LDB2: variants seen among roughly 807,000 people sequenced by gnomAD.
The protein encoded by LDB2 is LIM domain-binding protein 2.
A neutral mutation model predicts 44.3 loss-of-function variants in LDB2; 12 were observed. The ratio of observed to expected loss-of-function variants is 0.27; its 90% CI spans 0.17 to 0.44. The LOEUF is 0.44. Among genes scored for constraint, LDB2 ranks in the 20% least tolerant of loss-of-function variants. The pLI is 1.00. For missense variants in LDB2, 344 were observed against 473.5 expected (o/e 0.73, Z 2.54); for synonymous variants, 164 against 174.8 (o/e 0.94, Z 0.49).
chr4:16,712,462 G>A (rs1276010954), intron 2 of LDB2, among the ~76,000 whole-genome samples: 2 of 152,108 alleles, frequency 1.3e-5, no homozygotes, highest in East Asian at 1.9e-4. Context: ...TGAGGCAGGA[G>A]AATAGCTTGA....
chr4:16,555,381 A>G (rs1739201677), intron 5 of LDB2, among the ~76,000 whole-genome samples: 1 of 152,156 alleles, frequency 6.6e-6, no homozygotes, highest in Non-Finnish European at 1.5e-5. Context: ...GAATGCCTCA[A>G]CCTGAATTTT....
At chr4:16,853,876 C>T (rs1788791175) in intron 1 of LDB2, among the ~76,000 whole-genome samples, 1 of 152,006 alleles carries the variant, frequency 6.6e-6, no homozygotes, top group African/African-American at 2.4e-5. Flanking sequence ...AAGCCAGATA[C>T]AGAAATAAAG....
intron 5 of LDB2, among the ~76,000 whole-genome samples, chr4:16,570,499 A>C (rs1315016488): frequency 5.6e-5 from 8 of 144,108 alleles, no homozygotes; most frequent in Admixed American, 2.8e-4. Flanking sequence ...AAAAAAAAAA[A>C]AAAAAGTTTA....
In LDB2 at chr4:16,756,558, T is replaced by C. The variant is rs115156538; in HGVS notation, c.235+2600A>G. Reference sequence around the variant, plus strand: ...GTTCAAAAAAATCCAAAGATCTCAGTAAAGGATAGCTTTGCCAACATTTTA... The same window carrying C: ...GTTCAAAAAAATCCAAAGATCTCAGCAAAGGATAGCTTTGCCAACATTTTA... On this transcript the variant is annotated intron_variant, in intron 2 of 7. Coordinates refer to ENST00000304523, the MANE Select transcript of LDB2 (RefSeq NM_001290.5). Among the ~76,000 whole-genome samples the C allele has an allele frequency of 3.9e-3, 601 of 152,344 alleles. 4 individuals are homozygous for C. Among genetic ancestry groups the C allele is most frequent in the Admixed American group, 6.1e-3 (94 of 15,298 alleles).
chr4:16,749,582 A>T (rs1220331900), intron 2 of LDB2, among the ~76,000 whole-genome samples: 60 of 96,622 alleles, frequency 6.2e-4, no homozygotes, highest in African/African-American at 4.4e-5. Context: ...ATAAAAAAAT[A>T]AAAAAAAATA....
chr4:16,539,404 C>G (rs1560407771), intron 5 of LDB2, among the ~76,000 whole-genome samples: 1 of 152,138 alleles, frequency 6.6e-6, no homozygotes, highest in Non-Finnish European at 1.5e-5. Flanking sequence ...AGACATGGAA[C>G]TAGAAGGATA....
rs571264530 is a variant in LDB2 at position 16,623,628 on chromosome 4, A to G, written c.236-27753T>C. On this transcript the variant is annotated intron_variant, in intron 2 of 7. Coordinates refer to ENST00000304523, the MANE Select transcript of LDB2 (RefSeq NM_001290.5). ...AAATAAATAAATAAATAAAAATAAA[A>G]TAAATGACTATCAATGTGCTGTCAA... Among the ~76,000 whole-genome samples the G allele has an allele frequency of 1.6e-4, 20 of 128,606 alleles. No individual in the cohort carries two copies. In the South Asian group the frequency reaches 4.1e-3, roughly 27 times the overall value. 84.4% of individuals were successfully genotyped at this position (128,606 alleles called of 152,430 possible).
chr4:16,590,180 A>G (rs1718426974), intron 3 of LDB2, among the ~76,000 whole-genome samples: 1 of 152,080 alleles, frequency 6.6e-6, no homozygotes, highest in South Asian at 2.1e-4. Flanking sequence ...CTCGGCTTTG[A>G]GATCCTCATT....
At chr4:16,782,374 G>C (rs1579616148) in intron 1 of LDB2, among the ~76,000 whole-genome samples, 1 of 148,946 alleles carries the variant, frequency 6.7e-6, no homozygotes, top group Non-Finnish European at 1.5e-5. Flanking sequence ...TTTTTGAGAC[G>C]GAGTCTTGCT....
chr4:16,789,473 G>A (rs1242514480), intron 1 of LDB2, among the ~76,000 whole-genome samples: 5 of 152,190 alleles, frequency 3.3e-5, no homozygotes, highest in Admixed American at 6.5e-5. Context: ...AATGTAACGA[G>A]TAAAGTGAAC....
chr4:16,642,433 A>G (rs887709585), intron 2 of LDB2, among the ~76,000 whole-genome samples: 1 of 152,246 alleles, frequency 6.6e-6, no homozygotes, highest in African/African-American at 2.4e-5. Flanking sequence ...TTCATGATAC[A>G]GAAGTTGATA....
intron 1 of LDB2, among the ~76,000 whole-genome samples, chr4:16,762,750 C>A (rs145980520): frequency 4.6e-5 from 7 of 152,240 alleles, no homozygotes; most frequent in Admixed American, 1.3e-4. Flanking sequence ...GATAATCTAA[C>A]TCTTGGTCTC....
At chr4:16,858,035 T>C (rs1477734838) in intron 1 of LDB2, among the ~76,000 whole-genome samples, 3 of 152,156 alleles carry the variant, frequency 2.0e-5, no homozygotes, top group Non-Finnish European at 4.4e-5. Flanking sequence ...CCTCACAAGA[T>C]TGATATTAAT....
intron 2 of LDB2, among the ~76,000 whole-genome samples, chr4:16,633,756 A>G (rs1375516908): frequency 2.6e-4 from 40 of 152,212 alleles, no homozygotes; most frequent in Admixed American, 9.2e-4. Context: ...GAACTGGAAA[A>G]AACTATTTTA....
chr4:16,837,782 G>A (rs753469721), intron 1 of LDB2, among the ~76,000 whole-genome samples: 2 of 152,198 alleles, frequency 1.3e-5, no homozygotes, highest in African/African-American at 2.4e-5. Flanking sequence ...ATTTACTAAC[G>A]CACAGTACTA....
rs578137573 is a variant in LDB2, at chr4:16,605,841, G to A, written c.236-9966C>T. ...CTAAGGATGGAGGAGTCAGGAAATG[G>A]AGGAGCCTCTGGTTTCCTAAGTTAC... On this transcript the variant is annotated intron_variant, in intron 2 of 7. Coordinates refer to ENST00000304523, the MANE Select transcript of LDB2 (RefSeq NM_001290.5). Among the ~76,000 whole-genome samples the A allele has an allele frequency of 3.9e-5, 6 of 152,320 alleles. No individual in the cohort carries two copies. The South Asian group carries it at 8.3e-4, about 21-fold the overall frequency.
chr4:16,576,577 T>C (rs28858811), intron 5 of LDB2, among the ~76,000 whole-genome samples: 14,363 of 151,966 alleles, frequency 0.095, 1,450 homozygotes, highest in African/African-American at 0.26. Flanking sequence ...GTAACAAGAT[T>C]GAAGCTATAA....
At chr4:16,545,501 A>G (rs1360918087) in intron 5 of LDB2, among the ~76,000 whole-genome samples, 1 of 152,190 alleles carries the variant, frequency 6.6e-6, no homozygotes, top group African/African-American at 2.4e-5. Context: ...AATCTTCAAA[A>G]CGTGTACACC....
At chr4:16,711,167 C>T (rs1755783208) in intron 2 of LDB2, among the ~76,000 whole-genome samples, 1 of 152,054 alleles carries the variant, frequency 6.6e-6, no homozygotes, top group South Asian at 2.1e-4. Context: ...TTCTAGGGCA[C>T]CTAAAGTGCA....
Sources: allele counts gnomAD v4.1 joint callset (sites outside exome capture counted in the v4.1 genomes callset), GRCh38; gene constraint gnomAD v4.1.1; transcripts MANE v1.5; gene names NCBI Gene and HGNC (gene_info 2026-07-23, HGNC 2026-07-21).